Variants in ZNF131 observed in about 807,000 individuals in gnomAD.
ZNF131 encodes zinc finger protein 131.
ZNF131 carries 7 observed loss-of-function variants against 60.0 expected under a neutral mutation model. That is an observed-to-expected ratio of 0.12 (90% CI 0.07 to 0.22). ZNF131 has a LOEUF of 0.22. Ranked by LOEUF, ZNF131 falls within the 10% of genes least tolerant of loss-of-function variation. The pLI is 1.00. For missense variants in ZNF131, 493 were observed against 740.9 expected (o/e 0.67, Z 3.88); for synonymous variants, 257 against 253.2 (o/e 1.01, Z -0.14).
chr5:43,168,435 A>G (rs1750616569), intron 5 of ZNF131, among the ~76,000 whole-genome samples: 1 of 152,190 alleles, frequency 6.6e-6, no homozygotes, highest in Non-Finnish European at 1.5e-5. Context: ...GTTAGGTCCA[A>G]TTAGAGGAAT....
At chr5:43,133,327 T>C (rs1003864388) in intron 3 of ZNF131, among the ~76,000 whole-genome samples, 1 of 152,080 alleles carries the variant, frequency 6.6e-6, no homozygotes, top group Non-Finnish European at 1.5e-5. Context: ...TAGCCAGGCG[T>C]GGTGGTGGGC....
Position 43,175,638 on chromosome 5 carries a change from C to T in ZNF131, c.*505C>T. On this transcript the variant is annotated 3_prime_UTR_variant, in exon 7 of 7. Coordinates refer to ENST00000682664, the MANE Select transcript of ZNF131 (RefSeq NM_001330707.2). ...GGCTTCTGGCTTTCTTTAGTTTGAA[C>T]AAACGTTCTTGTCTACCCCAGTAGT... 1 of 462,694 alleles carries T rather than the reference C, an allele frequency of 2.2e-6. No individual in the cohort carries two copies. The highest frequency in any genetic ancestry group is 3.8e-6 in the Non-Finnish European group (1 of 262,696). 28.7% of individuals were successfully genotyped at this position (462,694 alleles called of 1,614,324 possible). A position where few individuals can be genotyped will look rare whatever the true frequency, so the allele number is the denominator to read the frequency against.
chr5:43,159,957 A>G (rs900467774), intron 4 of ZNF131, among the ~76,000 whole-genome samples: 1 of 152,134 alleles, frequency 6.6e-6, no homozygotes, highest in Non-Finnish European at 1.5e-5. Flanking sequence ...CGGGCAGATC[A>G]CAAGGTCAGG....
In ZNF131 at chr5:43,122,948, G is replaced by A. The variant is rs575153747; in HGVS notation, c.125-261G>A. Among the ~76,000 whole-genome samples, 4 of 152,312 alleles carry A rather than the reference G, an allele frequency of 2.6e-5. No individual in the cohort carries two copies. In the South Asian group the frequency reaches 8.3e-4, roughly 32 times the overall value. On this transcript the variant is annotated intron_variant, in intron 2 of 6. Transcript: ENST00000682664. ...TTAATTGGAAACAACAGAGTGTCAA[G>A]AGGCTCCTTACCTAGTGTTGTAAAT...
At chr5:43,129,215 C>A (rs1051963193) in intron 3 of ZNF131, among the ~76,000 whole-genome samples, 1 of 152,150 alleles carries the variant, frequency 6.6e-6, no homozygotes, top group African/African-American at 2.4e-5. Context: ...GTATTGCAGG[C>A]ATGAGCCACC....
At chr5:43,173,160 C>T in intron 5 of ZNF131, 158 bp from the exon 6 acceptor site, 1 of 743,220 alleles carries the variant, frequency 1.3e-6, no homozygotes, top group South Asian at 3.0e-5. Flanking sequence ...CTAGAAAAGT[C>T]TTTGGAATAT....
At chr5:43,172,106 T>C (rs1425900620) in intron 5 of ZNF131, among the ~76,000 whole-genome samples, 3 of 152,232 alleles carry the variant, frequency 2.0e-5, no homozygotes, top group Admixed American at 2.0e-4. Flanking sequence ...TCCTTCTCAC[T>C]CACTCTTGCC....
intron 6 of ZNF131, 83 bp from the exon 7 acceptor site, chr5:43,174,364 T>C: frequency 8.0e-7 from 1 of 1,255,458 alleles, no homozygotes. Flanking sequence ...CCTTCAATCT[T>C]TTCTTTACAG....
At chr5:43,150,032 T>C (rs1052339513) in intron 4 of ZNF131, among the ~76,000 whole-genome samples, 2 of 152,174 alleles carry the variant, frequency 1.3e-5, no homozygotes, top group Non-Finnish European at 2.9e-5. Flanking sequence ...GAAAGCAGCA[T>C]GAGTTCCATG....
At chr5:43,152,810 A>G (rs13161127) in intron 4 of ZNF131, among the ~76,000 whole-genome samples, 14,875 of 151,786 alleles carry the variant, frequency 0.098, 851 homozygotes, top group East Asian at 0.19. Context: ...GGGTCTTACT[A>G]TGTTCTCCAG....
At chr5:43,174,322 A>G (rs1751344436) in intron 6 of ZNF131, 125 bp from the exon 7 acceptor site, 2 of 858,556 alleles carry the variant, frequency 2.3e-6, no homozygotes, top group Non-Finnish European at 3.4e-6. Context: ...ATTCTATTGC[A>G]GGTACCATAT....
chr5:43,149,252 CAG>C (rs1295824649), intron 4 of ZNF131, among the ~76,000 whole-genome samples: 1 of 147,302 alleles, frequency 6.8e-6, no homozygotes, highest in Non-Finnish European at 1.5e-5. Flanking sequence ...GCCTGGGAGA[CAG>C]AGGGAGAAAA....
rs763121984 is a variant in ZNF131 at position 43,175,070 on chromosome 5, A to ATTG, written c.1809_1810insTTG (p.Thr603_Val604insLeu). 3.1e-6 allele frequency: 5 copies of ATTG among 1,614,238 alleles called. No individual in the cohort carries two copies. Among genetic ancestry groups the ATTG allele is most frequent in the Non-Finnish European group, 4.2e-6 (5 of 1,180,036 alleles). ...CTGAGGATTTAGAGACCAAGCCAAC[A>ATTG]GTGGATTCTGAAGCAGAAAAGGCAG... On this transcript the variant is annotated inframe_insertion, in exon 7 of 7. Transcript: ENST00000682664.
chr5:43,173,909 A>C (rs1475657491), intron 6 of ZNF131, among the ~76,000 whole-genome samples: 1 of 152,202 alleles, frequency 6.6e-6, no homozygotes, highest in East Asian at 1.9e-4. Context: ...TAAACAATGA[A>C]GGCAGTATTG....
chr5:43,152,673 C>T (rs1029943799), intron 4 of ZNF131, among the ~76,000 whole-genome samples: 3 of 152,158 alleles, frequency 2.0e-5, no homozygotes, highest in Admixed American at 6.5e-5. Flanking sequence ...GTGGTGCAAT[C>T]ACAGCTCACT....
chr5:43,145,790 C>T (rs1747504200), intron 4 of ZNF131, among the ~76,000 whole-genome samples: 1 of 152,112 alleles, frequency 6.6e-6, no homozygotes, highest in South Asian at 2.1e-4. Flanking sequence ...AATAGGAATT[C>T]CTTTTAATAG....
chr5:43,171,711 C>T (rs1751014461), intron 5 of ZNF131, among the ~76,000 whole-genome samples: 1 of 152,178 alleles, frequency 6.6e-6, no homozygotes, highest in Non-Finnish European at 1.5e-5. Context: ...CAACTTCTGC[C>T]TCACCGGTTC....
At chr5:43,125,661 T>C (rs1744446102) in intron 3 of ZNF131, among the ~76,000 whole-genome samples, 1 of 151,774 alleles carries the variant, frequency 6.6e-6, no homozygotes, top group African/African-American at 2.4e-5. Flanking sequence ...GCACCTGTAA[T>C]CCCAGCTACT....
rs915398240 is a variant in ZNF131 at position 43,130,048 on chromosome 5, C to T, written c.226+6738C>T. ...TGGGAGGCCGAGGTGGGCAGATTGC[C>T]TGAGCTCAGGAGTTCGAGACCAGCC... On this transcript the variant is annotated intron_variant, in intron 3 of 6. Transcript: ENST00000682664. Among the ~76,000 whole-genome samples, 13 of 151,214 alleles carry T rather than the reference C, an allele frequency of 8.6e-5. No homozygotes were observed. The South Asian group carries it at 2.5e-3, about 29-fold the overall frequency.
Sources: allele counts gnomAD v4.1 joint callset (sites outside exome capture counted in the v4.1 genomes callset), GRCh38; gene constraint gnomAD v4.1.1; transcripts MANE v1.5; gene names NCBI Gene and HGNC (gene_info 2026-07-23, HGNC 2026-07-21).